ZNF804A: variants seen among roughly 807,000 people sequenced by gnomAD.
ZNF804A encodes zinc finger protein 804A.
A neutral mutation model predicts 16.5 loss-of-function variants in ZNF804A; 2 were observed. That is an observed-to-expected ratio of 0.12 (90% confidence interval 0.05 to 0.38). The LOEUF (loss-of-function observed/expected upper bound fraction) is 0.38. Among genes scored for constraint, ZNF804A ranks in the 10% least tolerant of loss-of-function variants. The pLI is 0.99. For missense variants in ZNF804A, 1,473 were observed against 1,390.7 expected (o/e 1.06, Z -0.94); for synonymous variants, 534 against 489.6 (o/e 1.09, Z -1.20).
intron 1 of ZNF804A, among the ~76,000 whole-genome samples, chr2:184,856,544 G>C (rs1360477767): frequency 6.6e-6 from 1 of 151,988 alleles, no homozygotes; most frequent in Non-Finnish European, 1.5e-5. Flanking sequence ...ATGTTTTACT[G>C]TTAAGTACGT....
intron 1 of ZNF804A, among the ~76,000 whole-genome samples, chr2:184,779,554 G>A (rs903426174): frequency 4.0e-5 from 6 of 151,648 alleles, no homozygotes; most frequent in African/African-American, 1.5e-4. Context: ...GAGCATACTG[G>A]ATTATGGAGA....
chr2:184,664,907 G>A (rs1272089346), intron 1 of ZNF804A, among the ~76,000 whole-genome samples: 1 of 152,116 alleles, frequency 6.6e-6, no homozygotes, highest in Non-Finnish European at 1.5e-5. Context: ...AAACATTTCT[G>A]AATGGAAATA....
At chr2:184,812,423 G>A (rs1015366351) in intron 1 of ZNF804A, among the ~76,000 whole-genome samples, 2 of 151,982 alleles carry the variant, frequency 1.3e-5, no homozygotes, top group Admixed American at 6.6e-5. Flanking sequence ...TTTCGGTGAA[G>A]ATAAAGATTA....
chr2:184,725,199 A>T (rs1427913016), intron 1 of ZNF804A, among the ~76,000 whole-genome samples: 1 of 151,640 alleles, frequency 6.6e-6, no homozygotes, highest in Non-Finnish European at 1.5e-5. Flanking sequence ...AGAGAATAAC[A>T]GTGCTTACAT....
At chr2:184,851,070 G>A (rs1396150123) in intron 1 of ZNF804A, among the ~76,000 whole-genome samples, 1 of 151,334 alleles carries the variant, frequency 6.6e-6, no homozygotes, top group Non-Finnish European at 1.5e-5. Context: ...TTTTTAATTG[G>A]CAGCTTTTAT....
At chr2:184,873,826 A>T (rs1266388459) in intron 2 of ZNF804A, among the ~76,000 whole-genome samples, 1 of 152,208 alleles carries the variant, frequency 6.6e-6, no homozygotes, top group Non-Finnish European at 1.5e-5. Context: ...AATGTTGATA[A>T]TATCAAGTGA....
rs552641463 is a variant in ZNF804A at position 184,853,265 on chromosome 2, A to G, written c.112-13104A>G. ...TTTATAGAAACATTAGTGATTTTTT[A>G]TATGTTGATTGCATATACTACAACT... On this transcript the variant is annotated intron_variant, in intron 1 of 3. Transcript: ENST00000302277. Among the ~76,000 whole-genome samples, 7 of 151,942 alleles carry G rather than the reference A, an allele frequency of 4.6e-5. No individual in the cohort carries two copies. The East Asian group carries it at 1.2e-3, about 25-fold the overall frequency.
intron 1 of ZNF804A, among the ~76,000 whole-genome samples, chr2:184,640,796 C>T (rs61400218): frequency 0.031 from 4,754 of 152,080 alleles, 253 homozygotes; most frequent in African/African-American, 0.11. Flanking sequence ...TGGCTTTAAG[C>T]AAACGAAATA....
intron 1 of ZNF804A, among the ~76,000 whole-genome samples, chr2:184,839,368 G>A (rs764501026): frequency 2.1e-4 from 32 of 152,038 alleles, no homozygotes; most frequent in East Asian, 3.9e-4. Flanking sequence ...TTGGGGATTC[G>A]TATGCAATTT....
rs147341576 is a variant in ZNF804A, at chr2:184,792,445, C to G, written c.112-73924C>G. 3.4e-3 allele frequency among the ~76,000 whole-genome samples: 522 copies of G among 152,136 alleles called. 1 individual carries two copies. The highest frequency in any genetic ancestry group is 0.02 in the Middle Eastern group (6 of 294). On this transcript the variant is annotated intron_variant, in intron 1 of 3. Coordinates refer to ENST00000302277, the MANE Select transcript of ZNF804A (RefSeq NM_194250.2). ...GAGTATCTTTTCAGATCCTTTTTTG[C>G]CATCTGTTTATCTTCTTTTGTGAGG...
At chr2:184,869,702 G>A (rs1405744739) in intron 2 of ZNF804A, among the ~76,000 whole-genome samples, 2 of 151,932 alleles carry the variant, frequency 1.3e-5, no homozygotes, top group Non-Finnish European at 2.9e-5. Context: ...CTCCCAATGA[G>A]GATCTGTTTT....
At chr2:184,727,067 CAT>C (rs1693425591) in intron 1 of ZNF804A, among the ~76,000 whole-genome samples, 1 of 151,484 alleles carries the variant, frequency 6.6e-6, no homozygotes, top group Non-Finnish European at 1.5e-5. Context: ...ACACATAAAA[CAT>C]AACATTTTCT....
chr2:184,701,031 A>G (rs1381173558), intron 1 of ZNF804A, among the ~76,000 whole-genome samples: 1 of 151,976 alleles, frequency 6.6e-6, no homozygotes, highest in South Asian at 2.1e-4. Flanking sequence ...AACTATATTG[A>G]CCTTAATGTG....
Position 184,674,190 on chromosome 2 carries a change from G to A in ZNF804A, c.111+75120G>A, listed in dbSNP as rs541417469. ...TGTACTGTTTCATCGCAGTGCAACA[G>A]TTTAATGTTAAAAAATATTAAATAT... is the stretch of plus-strand genomic sequence containing the variant. On this transcript the variant is annotated intron_variant, in intron 1 of 3. Transcript: ENST00000302277. 3.9e-5 allele frequency among the ~76,000 whole-genome samples: 6 copies of A among 152,046 alleles called. No individual in the cohort carries two copies. In the East Asian group the frequency reaches 1.2e-3, roughly 29 times the overall value.
chr2:184,742,447 T>C (rs971854631), intron 1 of ZNF804A, among the ~76,000 whole-genome samples: 2 of 151,916 alleles, frequency 1.3e-5, no homozygotes, highest in Non-Finnish European at 2.9e-5. Flanking sequence ...GAGTAAAGTA[T>C]AGGGTAGGAA....
At chr2:184,600,604 A>G (rs1480690717) in intron 1 of ZNF804A, among the ~76,000 whole-genome samples, 3 of 152,212 alleles carry the variant, frequency 2.0e-5, no homozygotes, top group Non-Finnish European at 4.4e-5. Context: ...TTTCAATTAA[A>G]TTTAACTTAC....
chr2:184,905,712 G>T (rs1685261757), intron 2 of ZNF804A, among the ~76,000 whole-genome samples: 1 of 152,114 alleles, frequency 6.6e-6, no homozygotes, highest in South Asian at 2.1e-4. Context: ...AGTACAATGT[G>T]TCTACAGGCA....
chr2:184,803,867 TG>T (rs1260870288), intron 1 of ZNF804A, among the ~76,000 whole-genome samples: 84 of 142,630 alleles, frequency 5.9e-4, no homozygotes, highest in African/African-American at 2.1e-3. Flanking sequence ...TCTTTTTTTT[TG>T]GGGGGGAGGG....
chr2:184,762,473 A>C (rs1694054231), intron 1 of ZNF804A, among the ~76,000 whole-genome samples: 1 of 151,892 alleles, frequency 6.6e-6, no homozygotes. Flanking sequence ...TAAAATCTAA[A>C]GTTTATAAAA....
Sources: gnomAD v4.1 joint callset for allele counts (sites outside exome capture counted in the v4.1 genomes callset) on GRCh38, gnomAD v4.1.1 for gene constraint, MANE v1.5 for transcripts, NCBI Gene and HGNC (gene_info 2026-07-23, HGNC 2026-07-21) for gene names.